The following LPO variants were observed in gnomAD, a reference collection of about 807,000 sequenced individuals.
LPO encodes salivary peroxidase.
Under a neutral mutation model 68.4 loss-of-function variants are expected in LPO, and 70 were observed. That is an observed-to-expected ratio of 1.02 (90% CI 0.84 to 1.25). The LOEUF is 1.25. Ranked by LOEUF, LPO falls within the 50% of genes most tolerant of loss-of-function variation. The probability of loss-of-function intolerance (pLI) is 0.00; values close to 1 mark genes in which losing one functional copy is unlikely to be tolerated. For missense variants in LPO, 873 were observed against 908.4 expected, an observed-to-expected ratio of 0.96 and a Z score of 0.50; for synonymous variants, 360 against 357.6, an observed-to-expected ratio of 1.01 and a Z score of -0.08.
At chr17:58,256,063 T>A (rs1230355935) in intron 9 of LPO, among the ~76,000 whole-genome samples, 1 of 152,196 alleles carries the variant, frequency 6.6e-6, no homozygotes, top group Non-Finnish European at 1.5e-5. Flanking sequence ...TCCATCTCTA[T>A]GTTATTTCAC....
At chr17:58,261,481 AACCT>A (rs967494310) in intron 9 of LPO, among the ~76,000 whole-genome samples, 4 of 152,014 alleles carry the variant, frequency 2.6e-5, no homozygotes, top group Non-Finnish European at 5.9e-5. Flanking sequence ...CATCAATTTC[AACCT>A]ACCTATGTCA....
At chr17:58,267,649 G>T in intron 12 of LPO, 63 bp downstream of exon 12, 1 of 1,507,144 alleles carries the variant, frequency 6.6e-7, no homozygotes, top group Non-Finnish European at 9.1e-7. Context: ...GTGTCCCAAG[G>T]TCCTGCGTGA....
At chr17:58,265,929 G>C (rs1970254475) in intron 10 of LPO, among the ~76,000 whole-genome samples, 1 of 151,904 alleles carries the variant, frequency 6.6e-6, no homozygotes, top group Non-Finnish European at 1.5e-5. Flanking sequence ...TCCCATGACT[G>C]CCCCTTTCTG....
At chr17:58,241,690 G>A (rs1969762540) in intron 1 of LPO, among the ~76,000 whole-genome samples, 2 of 152,138 alleles carry the variant, frequency 1.3e-5, no homozygotes, top group South Asian at 2.1e-4. Flanking sequence ...GGCCAGAGAG[G>A]TATTTATTCA....
At chr17:58,241,236 G>A (rs780704586) in intron 1 of LPO, among the ~76,000 whole-genome samples, 7 of 143,970 alleles carry the variant, frequency 4.9e-5, no homozygotes, top group Non-Finnish European at 1.0e-4. Flanking sequence ...TCAGTCTCCC[G>A]AGTAGCTGGA....
chr17:58,251,472 G>A (rs1009522853), intron 7 of LPO: 4 of 192,244 alleles, frequency 2.1e-5, no homozygotes, highest in East Asian at 1.3e-4. Context: ...GGATGAATCC[G>A]AGTGAGCAGC....
intron 10 of LPO, among the ~76,000 whole-genome samples, chr17:58,265,746 C>T (rs556040803): frequency 4.2e-4 from 63 of 151,788 alleles, no homozygotes; most frequent in Non-Finnish European, 6.9e-4. Flanking sequence ...CCATACCTGG[C>T]TAATTTTTTT....
intron 3 of LPO, among the ~76,000 whole-genome samples, chr17:58,244,676 C>T (rs1238750161): frequency 6.6e-6 from 1 of 152,256 alleles, no homozygotes; most frequent in Non-Finnish European, 1.5e-5. Context: ...CATCTGCCCA[C>T]ATCAGTCAGA....
intron 1 of LPO, among the ~76,000 whole-genome samples, chr17:58,239,201 G>A (rs376374545): frequency 3.5e-4 from 53 of 150,952 alleles, no homozygotes; most frequent in African/African-American, 1.2e-3. Flanking sequence ...TCCCTAAGCC[G>A]GAGCTGTCAG....
chr17:58,243,940 C>A (rs1460288049), intron 2 of LPO, 54 bp from the exon 3 acceptor site: 11 of 1,174,456 alleles, frequency 9.4e-6, no homozygotes, highest in African/African-American at 7.6e-5. Context: ...CAGAAGACAT[C>A]GCAAAGGAGT....
At chr17:58,247,351 T>C in intron 3 of LPO, 127 bp from the exon 4 acceptor site, 1 of 700,048 alleles carries the variant, frequency 1.4e-6, no homozygotes, top group Non-Finnish European at 2.3e-6. Flanking sequence ...TAGTGGCTAC[T>C]GTATTGGACA....
Position 58,267,378 on chromosome 17 carries a change from C to T in LPO, c.1723C>T (p.Leu575Phe), listed in dbSNP as rs749395213. The change falls in exon 12 of 13, where the codon CTC (leucine) becomes TTC (phenylalanine). Residue 575 changes from leucine (L) to phenylalanine (F), a missense_variant. Transcript: ENST00000262290. Reference protein sequence around the residue: ...GYNSWRAFCDLSQPQTLEELN... With the variant: ...GYNSWRAFCDFSQPQTLEELN... Reference sequence around the variant, plus strand: ...CAATTCCTGGAGAGCCTTCTGTGACCTCTCACAGCCGCAGACACTAGAGGA... The same window carrying T: ...CAATTCCTGGAGAGCCTTCTGTGACTTCTCACAGCCGCAGACACTAGAGGA... The T allele has an allele frequency of 6.2e-7, 1 of 1,614,182 alleles. No homozygotes were observed.
chr17:58,241,094 T>C (rs1259983068), intron 1 of LPO, among the ~76,000 whole-genome samples: 1 of 151,980 alleles, frequency 6.6e-6, no homozygotes, highest in Non-Finnish European at 1.5e-5. Context: ...ATGTGGATTT[T>C]TGTTGTTGTT....
At chr17:58,249,299 T>TCCCACCTTC in intron 5 of LPO, 122 bp downstream of exon 5, 1 of 941,488 alleles carries the variant, frequency 1.1e-6, no homozygotes, top group Non-Finnish European at 1.6e-6. Context: ...GGGCTGGCGT[T>TCCCACCTTC]CCCACCTTCC....
At chr17:58,258,090 G>T (rs1692127222) in intron 9 of LPO, among the ~76,000 whole-genome samples, 1 of 152,118 alleles carries the variant, frequency 6.6e-6, no homozygotes, top group Non-Finnish European at 1.5e-5. Flanking sequence ...CATTCCGTGG[G>T]TTATCTCTTC....
chr17:58,251,717 CCA>C (rs1162013594), intron 7 of LPO: 6 of 364,926 alleles, frequency 1.6e-5, no homozygotes, highest in Admixed American at 7.2e-5. Context: ...TTTCTGAGCC[CCA>C]GTTTTCTCAT....
chr17:58,268,076 C>A lies in LPO; in HGVS notation c.*82C>A. 7.2e-7 allele frequency: 1 copy of A among 1,388,972 alleles called. No homozygotes were observed. Among genetic ancestry groups the A allele is most frequent in the Non-Finnish European group, 1.0e-6 (1 of 993,812 alleles). 86.0% of individuals were successfully genotyped at this position (1,388,972 alleles called of 1,614,324 possible). On this transcript the variant is annotated 3_prime_UTR_variant, in exon 13 of 13. Coordinates refer to ENST00000262290, the MANE Select transcript of LPO (RefSeq NM_006151.3). ...TCAATGACCTGGTCCCTTAGAGCTC[C>A]ATATCCCAGTCCCAGCCCTTCTTTG...
chr17:58,250,483 C>A lies in LPO; in HGVS notation c.642C>A (p.Ser214=). Reference sequence around the variant, plus strand: ...AGGGTGTTCTGGACCAAAACAGGTCCCTGCTCTTCATGCAGTGGGGTCAGA... The same window carrying A: ...AGGGTGTTCTGGACCAAAACAGGTCACTGCTCTTCATGCAGTGGGGTCAGA... ...NEEGVLDQNR[S]LLFMQWGQIV... The change falls in exon 7 of 13, where the codon TCC becomes TCA. Residue 214 remains serine, a synonymous_variant. Transcript: ENST00000262290. 6.2e-7 allele frequency: 1 copy of A among 1,614,142 alleles called. No homozygotes were observed. Among genetic ancestry groups the A allele is most frequent in the Non-Finnish European group, 8.5e-7 (1 of 1,180,020 alleles).
chr17:58,241,471 T>C (rs1341949109), intron 1 of LPO, among the ~76,000 whole-genome samples: 2 of 152,190 alleles, frequency 1.3e-5, no homozygotes, highest in East Asian at 3.8e-4. Flanking sequence ...AAAACCATCA[T>C]CTCTGTTTGT....
Sources: gnomAD v4.1 joint callset for allele counts (sites outside exome capture counted in the v4.1 genomes callset) on GRCh38, gnomAD v4.1.1 for gene constraint, MANE v1.5 for transcripts, NCBI Gene and HGNC (gene_info 2026-07-23, HGNC 2026-07-21) for gene names.